Variants in EEF1AKMT1 observed in about 807,000 individuals in gnomAD.
The protein encoded by EEF1AKMT1 is EEF1A lysine methyltransferase 1.
Under a neutral mutation model 21.0 loss-of-function variants are expected in EEF1AKMT1, and 18 were observed. The ratio of observed to expected loss-of-function variants is 0.86; its 90% confidence interval spans 0.59 to 1.27. The LOEUF (loss-of-function observed/expected upper bound fraction) is 1.27. Ranked by LOEUF, EEF1AKMT1 falls within the 50% of genes most tolerant of loss-of-function variation. EEF1AKMT1 has a pLI of 0.00. For synonymous variants in EEF1AKMT1, 109 were observed against 94.8 expected, an observed-to-expected ratio of 1.15 and a Z score of -0.87; for missense variants, 246 against 258.6, an observed-to-expected ratio of 0.95 and a Z score of 0.33.
rs186708752 is a variant in EEF1AKMT1, at chr13:20,770,459, G to A, written c.-20+3462C>T. Among the ~76,000 whole-genome samples, 7 of 152,276 alleles carry A rather than the reference G, an allele frequency of 4.6e-5. No individual in the cohort carries two copies. In the East Asian group the frequency reaches 1.3e-3, roughly 29 times the overall value. On this transcript the variant is annotated intron_variant, in intron 1 of 4. Coordinates refer to ENST00000382758, the MANE Select transcript of EEF1AKMT1 (RefSeq NM_001318939.2). ...AGTCCCACCAAAGAATGGTACAAAT[G>A]CTTGAAATGAATAGTTCTAGTTTAC... is the stretch of plus-strand genomic sequence containing the variant.
intron 1 of EEF1AKMT1, among the ~76,000 whole-genome samples, chr13:20,767,220 G>A (rs1319253951): frequency 6.7e-6 from 1 of 148,594 alleles, no homozygotes; most frequent in Non-Finnish European, 1.5e-5. Flanking sequence ...GCAGGAGAAT[G>A]GCATGAACCC....
intron 2 of EEF1AKMT1, chr13:20,747,232 A>G (rs2058910362): frequency 8.4e-6 from 2 of 238,484 alleles, no homozygotes; most frequent in South Asian, 1.6e-4. Context: ...GTATGGCAAC[A>G]AACTCCAAGT....
chr13:20,764,548 A>G (rs984480403), intron 1 of EEF1AKMT1, among the ~76,000 whole-genome samples: 1 of 152,140 alleles, frequency 6.6e-6, no homozygotes, highest in Non-Finnish European at 1.5e-5. Context: ...AGTCCCCTGT[A>G]TCCTTGCTGG....
At chr13:20,734,070 A>G (rs954540493) in intron 3 of EEF1AKMT1, among the ~76,000 whole-genome samples, 3 of 152,160 alleles carry the variant, frequency 2.0e-5, no homozygotes, top group Non-Finnish European at 4.4e-5. Context: ...TAGGAGGGGG[A>G]AAAGAAGCTG....
chr13:20,741,317 G>C (rs1231130615), intron 2 of EEF1AKMT1, among the ~76,000 whole-genome samples: 1 of 151,960 alleles, frequency 6.6e-6, no homozygotes, highest in Non-Finnish European at 1.5e-5. Flanking sequence ...CTTTGCTCCA[G>C]TTCCCAGAGA....
chr13:20,765,908 A>G (rs1426656492), intron 1 of EEF1AKMT1, among the ~76,000 whole-genome samples: 1 of 152,188 alleles, frequency 6.6e-6, no homozygotes, highest in Admixed American at 6.5e-5. Flanking sequence ...AATGCAAATT[A>G]TAATCATAAT....
chr13:20,735,445 A>G (rs1321796361), intron 3 of EEF1AKMT1, among the ~76,000 whole-genome samples: 1 of 152,192 alleles, frequency 6.6e-6, no homozygotes, highest in African/African-American at 2.4e-5. Context: ...TAGGAGGATT[A>G]AGTTAAACGC....
chr13:20,769,440 C>G (rs2059052590), intron 1 of EEF1AKMT1: 1 of 151,684 alleles, frequency 6.6e-6, no homozygotes, highest in Non-Finnish European at 1.5e-5. Flanking sequence ...GGGCCAGCAC[C>G]TTTCCCCCAT....
intron 3 of EEF1AKMT1, 135 bp from the exon 4 acceptor site, chr13:20,732,256 A>C: frequency 1.1e-6 from 1 of 917,966 alleles, no homozygotes; most frequent in Non-Finnish European, 1.6e-6. Context: ...AACTAGTGTA[A>C]TAGTTAATGT....
chr13:20,737,928 C>A (rs2058835473), intron 2 of EEF1AKMT1, 123 bp from the exon 3 acceptor site: 1 of 521,268 alleles, frequency 1.9e-6, no homozygotes, highest in Admixed American at 4.0e-5. Flanking sequence ...TAATCTATAC[C>A]AGTGGACAGA....
intron 2 of EEF1AKMT1, among the ~76,000 whole-genome samples, chr13:20,751,013 C>T (rs1566534262): frequency 6.6e-6 from 1 of 152,012 alleles, no homozygotes; most frequent in Non-Finnish European, 1.5e-5. Flanking sequence ...GGTCCTTTGC[C>T]CATTTTAATG....
chr13:20,759,239 T>C (rs2058985866), intron 1 of EEF1AKMT1, among the ~76,000 whole-genome samples: 1 of 152,168 alleles, frequency 6.6e-6, no homozygotes, highest in South Asian at 2.1e-4. Flanking sequence ...AGAAAAAATA[T>C]TTGCAAACTA....
chr13:20,729,367 C>G lies in EEF1AKMT1; in HGVS notation c.509-151G>C, dbSNP rs1413949933. 4.8e-6 allele frequency: 4 copies of G among 828,066 alleles called. No individual in the cohort carries two copies. The African/African-American group carries it at 5.1e-5, about 11-fold the overall frequency. 51.3% of individuals were successfully genotyped at this position (828,066 alleles called of 1,614,324 possible). ...GGAGGGAGCGAGTGTTCTTTACATT[C>G]CCTTTCACCTTCTCCAATATTTTTG... On this transcript the variant is annotated intron_variant, in intron 4 of 4. Transcript: ENST00000382758.
intron 1 of EEF1AKMT1, 36 bp from the exon 2 acceptor site, chr13:20,757,653 TG>T: frequency 6.6e-7 from 1 of 1,516,486 alleles, no homozygotes; most frequent in Non-Finnish European, 8.9e-7. Flanking sequence ...GTGCAGATTT[TG>T]TTTCCCCTTC....
intron 4 of EEF1AKMT1, among the ~76,000 whole-genome samples, chr13:20,730,833 G>C (rs1419900871): frequency 7.9e-5 from 12 of 152,192 alleles, no homozygotes; most frequent in Admixed American, 7.2e-4. Flanking sequence ...CCCGCAGCCA[G>C]CAGTGCAACC....
At chr13:20,737,475 A>G (rs749736656) in intron 3 of EEF1AKMT1, among the ~76,000 whole-genome samples, 14 of 152,244 alleles carry the variant, frequency 9.2e-5, no homozygotes, top group Non-Finnish European at 1.2e-4. Flanking sequence ...ACTGAGCTCT[A>G]TAACTATAAA....
chr13:20,767,523 C>T (rs190236748), intron 1 of EEF1AKMT1, among the ~76,000 whole-genome samples: 5 of 152,154 alleles, frequency 3.3e-5, no homozygotes, highest in African/African-American at 7.2e-5. Context: ...TGTCTGTTCA[C>T]TGCATTGTTT....
At chr13:20,770,753 G>C (rs1330208227) in intron 1 of EEF1AKMT1, among the ~76,000 whole-genome samples, 1 of 152,120 alleles carries the variant, frequency 6.6e-6, no homozygotes, top group East Asian at 1.9e-4. Flanking sequence ...AAAAAAGGCT[G>C]CACCACAATA....
chr13:20,759,575 G>T (rs1351117069), intron 1 of EEF1AKMT1, among the ~76,000 whole-genome samples: 1 of 149,948 alleles, frequency 6.7e-6, no homozygotes, highest in African/African-American at 2.5e-5. Flanking sequence ...GCAAGACTCC[G>T]TCTCAAAAAC....
Sources: allele counts gnomAD v4.1 joint callset (sites outside exome capture counted in the v4.1 genomes callset), GRCh38; gene constraint gnomAD v4.1.1; transcripts MANE v1.5; gene names NCBI Gene and HGNC (gene_info 2026-07-23, HGNC 2026-07-21).